The following CSRNP3 variants were observed in gnomAD, a reference collection of about 807,000 sequenced individuals.
The protein encoded by CSRNP3 is cysteine/serine-rich nuclear protein 3.
In CSRNP3, 12 loss-of-function variants were observed where a neutral mutation model predicts 48.0. The ratio of observed to expected loss-of-function variants is 0.25; its 90% CI spans 0.16 to 0.41. The LOEUF is 0.41. CSRNP3 is among the 10% of genes least tolerant of loss of function. The probability of loss-of-function intolerance (pLI) is 1.00; values close to 1 mark genes in which losing one functional copy is unlikely to be tolerated. For synonymous variants in CSRNP3, 263 were observed against 269.7 expected (o/e 0.98, Z 0.24); for missense variants, 580 against 724.4 (o/e 0.80, Z 2.29).
intron 4 of CSRNP3, among the ~76,000 whole-genome samples, chr2:165,610,014 T>C (rs891382695): frequency 4.6e-5 from 7 of 152,212 alleles, no homozygotes; most frequent in African/African-American, 1.2e-4. Flanking sequence ...GCAGTAATAA[T>C]TGGCATTTAT....
At chr2:165,664,474 A>T (rs1687146444) in intron 5 of CSRNP3, among the ~76,000 whole-genome samples, 1 of 152,240 alleles carries the variant, frequency 6.6e-6, no homozygotes, top group Non-Finnish European at 1.5e-5. Flanking sequence ...TACACAGAGT[A>T]AATCTTCCCT....
intron 4 of CSRNP3, among the ~76,000 whole-genome samples, chr2:165,599,287 A>G (rs373690948): frequency 1.0e-4 from 8 of 78,976 alleles, no homozygotes; most frequent in Admixed American, 1.8e-4. Flanking sequence ...GAGAGAGAGA[A>G]AGAAAGAAAG....
rs1395577392 is a variant in CSRNP3 at position 165,679,135 on chromosome 2, G to A, written c.1140G>A (p.Glu380=). The change falls in exon 7 of 7, where the codon GAG becomes GAA. Residue 380 remains glutamate (E), a synonymous_variant. Coordinates refer to ENST00000651982, the MANE Select transcript of CSRNP3 (RefSeq NM_001172173.2). ...DEEEEEEEEE[E]EEEDDDDDKG... is the part of the protein sequence containing the mutation. Reference sequence around the variant, plus strand: ...AGGAGGAGGAAGAAGAAGAGGAAGAGGAGGAGGAGGATGACGATGATGACA... The same window carrying A: ...AGGAGGAGGAAGAAGAAGAGGAAGAAGAGGAGGAGGATGACGATGATGACA... The A allele has an allele frequency of 1.2e-6, 2 of 1,612,474 alleles. No homozygotes were observed. Among genetic ancestry groups the A allele is most frequent in the Non-Finnish European group, 1.7e-6 (2 of 1,179,008 alleles).
chr2:165,619,339 T>C (rs1358927859), intron 4 of CSRNP3, among the ~76,000 whole-genome samples: 2 of 152,146 alleles, frequency 1.3e-5, no homozygotes, highest in African/African-American at 4.8e-5. Flanking sequence ...CTCCTTCTGA[T>C]TCAAATTCAT....
intron 1 of CSRNP3, among the ~76,000 whole-genome samples, chr2:165,494,056 T>C (rs938960124): frequency 6.6e-6 from 1 of 152,146 alleles, no homozygotes; most frequent in Admixed American, 6.6e-5. Flanking sequence ...TGGCTTTCAC[T>C]GACCATGTTA....
In CSRNP3 at chr2:165,686,344, G is replaced by A. The variant is rs1486954742; in HGVS notation, c.*6591G>A. 6.6e-6 allele frequency: 1 copy of A among 151,980 alleles called. No homozygotes were observed. The highest frequency in any genetic ancestry group is 2.4e-5 in the African/African-American group (1 of 41,372). The allele number at this position is 151,980 out of a possible 1,614,324, so 9.4% of individuals were successfully genotyped here. A position where few individuals can be genotyped will look rare whatever the true frequency, so the allele number is the denominator to read the frequency against. Reference sequence around the variant, plus strand: ...TCTACATAGGGGACCTATGGAAAAGGAGTTTGAAATTTCTACCTTTGTAGT... The same window carrying A: ...TCTACATAGGGGACCTATGGAAAAGAAGTTTGAAATTTCTACCTTTGTAGT... On this transcript the variant is annotated 3_prime_UTR_variant, in exon 7 of 7. Transcript: ENST00000651982.
chr2:165,637,371 C>T (rs980434942), intron 4 of CSRNP3, among the ~76,000 whole-genome samples: 8 of 152,112 alleles, frequency 5.3e-5, no homozygotes, highest in African/African-American at 1.9e-4. Flanking sequence ...TGTGAGTATG[C>T]CCTGTGATGC....
At chr2:165,491,774 G>A (rs1468134921) in intron 1 of CSRNP3, among the ~76,000 whole-genome samples, 80 of 118,420 alleles carry the variant, frequency 6.8e-4, no homozygotes, top group African/African-American at 2.5e-3. Context: ...CACAGGAAGG[G>A]GAATATCACA....
At position 165,545,372 on chromosome 2, in the gene CSRNP3, TAG is replaced by T. The variant is rs1685011300; in HGVS notation, c.-24+27416_-24+27417del. On this transcript the variant is annotated intron_variant, in intron 3 of 6. Transcript: ENST00000651982. The stretch of plus-strand genomic sequence containing the variant: ...CATGCCTAGGTTGAGAATAATCCAG[TAG>T]AGAGTGAAAAATTAATGATGCAGGA... Among the ~76,000 whole-genome samples, 7 of 151,980 alleles carry T rather than the reference TAG, an allele frequency of 4.6e-5. No homozygotes were observed. The South Asian group carries it at 1.5e-3, about 32-fold the overall frequency.
At position 165,672,807 on chromosome 2, in the gene CSRNP3, A is replaced by T. The variant is rs544721983; in HGVS notation, c.409-3505A>T. Among the ~76,000 whole-genome samples the T allele has an allele frequency of 3.3e-5, 5 of 152,306 alleles. No individual in the cohort carries two copies. The East Asian group carries it at 9.7e-4, about 29-fold the overall frequency. On this transcript the variant is annotated intron_variant, in intron 5 of 6. Coordinates refer to ENST00000651982, the MANE Select transcript of CSRNP3 (RefSeq NM_001172173.2). ...GTGCTCTGATTTTAAAGAGCATTTG[A>T]ACTCAGTAGTTTTGGCCTGGTTTTT...
chr2:165,668,933 A>T (rs949155855), intron 5 of CSRNP3, among the ~76,000 whole-genome samples: 5 of 152,212 alleles, frequency 3.3e-5, no homozygotes, highest in Non-Finnish European at 7.3e-5. Flanking sequence ...CAACATCATC[A>T]TTAATTGGCT....
At chr2:165,497,239 G>A (rs1174204217) in intron 2 of CSRNP3, among the ~76,000 whole-genome samples, 2 of 151,880 alleles carry the variant, frequency 1.3e-5, no homozygotes, top group Admixed American at 6.6e-5. Flanking sequence ...ATTGAAGAAG[G>A]CAGCTGCAAA....
chr2:165,553,838 A>G (rs1202400169), intron 3 of CSRNP3, among the ~76,000 whole-genome samples: 2 of 152,088 alleles, frequency 1.3e-5, no homozygotes, highest in Admixed American at 1.3e-4. Flanking sequence ...CTTCTACTAT[A>G]TCATTTCTAT....
rs1374796664 is a variant in CSRNP3, at chr2:165,682,663, TA to T, written c.*2911del. ...ACTTATGATGGAATCATTTCATTTT[TA>T]GTTCCTTTCCCAGAAAAGCTGAGAG... On this transcript the variant is annotated 3_prime_UTR_variant, in exon 7 of 7. Transcript: ENST00000651982. 1 of 152,146 alleles carries T rather than the reference TA, an allele frequency of 6.6e-6. No individual in the cohort carries two copies. Among genetic ancestry groups the T allele is most frequent in the Non-Finnish European group, 1.5e-5 (1 of 68,004 alleles). 9.4% of individuals were successfully genotyped at this position (152,146 alleles called of 1,614,324 possible). A position where few individuals can be genotyped will look rare whatever the true frequency, so the allele number is the denominator to read the frequency against.
intron 3 of CSRNP3, among the ~76,000 whole-genome samples, chr2:165,592,672 C>T (rs1192218344): frequency 3.3e-5 from 5 of 152,076 alleles, no homozygotes; most frequent in Non-Finnish European, 7.4e-5. Flanking sequence ...GGGGCTTTTT[C>T]CCTTTTTCTT....
intron 1 of CSRNP3, among the ~76,000 whole-genome samples, chr2:165,484,172 C>T (rs1188198625): frequency 6.6e-6 from 1 of 152,094 alleles, no homozygotes; most frequent in Non-Finnish European, 1.5e-5. Context: ...TCACTGCAGC[C>T]TCCACCTCCC....
At chr2:165,595,381 C>T (rs2105295624) in intron 4 of CSRNP3, among the ~76,000 whole-genome samples, 168 bp downstream of exon 4, 1 of 152,158 alleles carries the variant, frequency 6.6e-6, no homozygotes, top group African/African-American at 2.4e-5. Context: ...CAGTAGATTC[C>T]TTTATTTAGA....
intron 4 of CSRNP3, among the ~76,000 whole-genome samples, chr2:165,624,508 ATTTTGAGGTACC>A (rs1324380269): frequency 6.6e-6 from 1 of 152,078 alleles, no homozygotes; most frequent in Non-Finnish European, 1.5e-5. Flanking sequence ...GGGTTTATCC[ATTTTGAGGTACC>A]CTGGTACCTA....
intron 3 of CSRNP3, among the ~76,000 whole-genome samples, chr2:165,557,391 G>T (rs1048044733): frequency 2.0e-5 from 3 of 152,206 alleles, no homozygotes; most frequent in African/African-American, 7.2e-5. Flanking sequence ...ATTACAGAAA[G>T]AACTTGTTGA....
Sources: gnomAD v4.1 joint callset for allele counts (sites outside exome capture counted in the v4.1 genomes callset) on GRCh38, gnomAD v4.1.1 for gene constraint, MANE v1.5 for transcripts, NCBI Gene and HGNC (gene_info 2026-07-23, HGNC 2026-07-21) for gene names.